COL5A3: variants seen among roughly 807,000 people sequenced by gnomAD.
The protein encoded by COL5A3 is collagen alpha-3(V) chain.
A neutral mutation model predicts 250.0 loss-of-function variants in COL5A3; 172 were observed. That is an observed-to-expected ratio of 0.69 (90% CI 0.61 to 0.78). The LOEUF (loss-of-function observed/expected upper bound fraction) is 0.78. Among genes scored for constraint, COL5A3 ranks in the 30% least tolerant of loss-of-function variants. The pLI, the probability that COL5A3 is intolerant of heterozygous loss-of-function variation, is 0.00. For missense variants in COL5A3, 2,340 were observed against 2,334.4 expected, an observed-to-expected ratio of 1.00 and a Z score of -0.05; for synonymous variants, 937 against 900.4, an observed-to-expected ratio of 1.04 and a Z score of -0.73.
chr19:10,006,457 T>C (rs189027630), intron 1 of COL5A3, among the ~76,000 whole-genome samples: 9 of 152,168 alleles, frequency 5.9e-5, no homozygotes, highest in Admixed American at 5.2e-4. Context: ...GACTCTGTTT[T>C]TTTTTTTCCC....
In COL5A3 at chr19:9,967,384, CG is replaced by C; in HGVS notation, c.4420del (p.Arg1474ValfsTer50). ...SKGSPGSMGP[R>X]GDTGPAGPPG... ...TGGGCCTGCAGGTCCAGTGTCTCCACGGGGGCCCATGGACCCCTGTAGGGAG... is the reference window on the plus strand; with the variant it reads ...TGGGCCTGCAGGTCCAGTGTCTCCACGGGGCCCATGGACCCCTGTAGGGAG... On this transcript the variant is annotated frameshift_variant, in exon 62 of 67. Coordinates refer to ENST00000264828, the MANE Select transcript of COL5A3 (RefSeq NM_015719.4). LOFTEE classifies it high-confidence loss of function. 3.4e-6 allele frequency: 5 copies of C among 1,479,572 alleles called. No homozygotes were observed. Among genetic ancestry groups the C allele is most frequent in the South Asian group, 1.5e-5 (1 of 68,630 alleles). The allele number at this position is 1,479,572 out of a possible 1,614,324, so 91.7% of individuals were successfully genotyped here.
At chr19:10,000,554 G>A (rs745453774) in intron 8 of COL5A3, among the ~76,000 whole-genome samples, 9 of 135,582 alleles carry the variant, frequency 6.6e-5, no homozygotes, top group Non-Finnish European at 1.1e-4. Context: ...CGCCTCAGCC[G>A]CCCAAAGCAT....
chr19:9,964,284 A>T (rs1335032044), intron 64 of COL5A3, among the ~76,000 whole-genome samples: 1 of 152,178 alleles, frequency 6.6e-6, no homozygotes, highest in African/African-American at 2.4e-5. Context: ...AGCCTGGGTG[A>T]TAGAGAAAGA....
Position 9,996,537 on chromosome 19 carries a change from A to C in COL5A3, c.1339-21T>G, listed in dbSNP as rs760983383. Reference sequence around the variant, plus strand: ...TGGAACTGGGAGGAATTTAGTGGTGAGGGAAGCCCCCAGGAGAGGCCCCCT... The same window carrying C: ...TGGAACTGGGAGGAATTTAGTGGTGCGGGAAGCCCCCAGGAGAGGCCCCCT... On this transcript the variant is annotated intron_variant, in intron 12 of 66. Transcript: ENST00000264828. 2.4e-5 allele frequency: 38 copies of C among 1,613,784 alleles called. No homozygotes were observed. In the Admixed American group the frequency reaches 5.0e-4, roughly 21 times the overall value.
At chr19:9,971,398 A>G in intron 51 of COL5A3, 140 bp from the exon 52 acceptor site, 1 of 662,866 alleles carries the variant, frequency 1.5e-6, no homozygotes, top group East Asian at 3.3e-5. Flanking sequence ...CTGGCTTGGT[A>G]GAGCGAACAT....
chr19:9,966,391 G>A lies in COL5A3; in HGVS notation c.4705C>T (p.Arg1569Trp), dbSNP rs762254646. 3.0e-5 allele frequency: 48 copies of A among 1,608,834 alleles called. No individual in the cohort carries two copies. In the East Asian group the frequency reaches 1.0e-3, roughly 34 times the overall value. ...TTGCAAAAAACCCTGAACGAGTCCC[G>A]CGCGCAGCCCTGGTTGGGGTCAATC... Reference protein sequence around the residue: ...YWIDPNQGCARDSFRVFCNFT... With the variant: ...YWIDPNQGCAWDSFRVFCNFT... Residue 1569 changes from arginine to tryptophan, a missense_variant, in exon 64 of 67, where the codon CGG (arginine) becomes TGG (tryptophan). Physicochemically the swap from Arg to Trp is moderately radical, Grantham distance 101. This residue lies in a region of COL5A3 where 1,179 missense variants were observed against 1,162.6 expected (regional missense o/e 1.01). Coordinates refer to ENST00000264828, the MANE Select transcript of COL5A3 (RefSeq NM_015719.4).
chr19:10,004,490 C>T (rs1293025391), intron 4 of COL5A3, among the ~76,000 whole-genome samples: 2 of 152,170 alleles, frequency 1.3e-5, no homozygotes, highest in African/African-American at 4.8e-5. Flanking sequence ...GCCACCACGC[C>T]CAGTTAATTT....
intron 51 of COL5A3, among the ~76,000 whole-genome samples, chr19:9,972,325 TCAC>T (rs2086861934): frequency 2.2e-5 from 1 of 44,502 alleles, no homozygotes; most frequent in African/African-American, 2.1e-4. Flanking sequence ...ATCCATTCAC[TCAC>T]TCGTTCATCC....
In COL5A3 at chr19:9,986,405, T is replaced by G. The variant is rs778289973; in HGVS notation, c.2262A>C (p.Pro754=). The change falls in exon 30 of 67, where the codon CCA becomes CCC. Residue 754 remains proline (P), a synonymous_variant. Transcript: ENST00000264828. ...LKGDQGKPGA[P]GPRGEDGPEG... ...CAGGACCATCCTCTCCCCGGGGACC[T>G]GGAGCTCCGGGTTTCCCCTGGAAGA... The G allele has an allele frequency of 1.2e-6, 2 of 1,612,558 alleles. No homozygotes were observed. The highest frequency in any genetic ancestry group is 1.7e-6 in the Non-Finnish European group (2 of 1,179,864).
intron 11 of COL5A3, 126 bp downstream of exon 11, chr19:9,997,245 G>C: frequency 2.7e-6 from 2 of 744,956 alleles, no homozygotes. Context: ...GAACAGAAGA[G>C]GTCAGTGCCA....
chr19:9,986,515 C>CT (rs768940506), intron 29 of COL5A3, 38 bp downstream of exon 29: 1 of 1,613,334 alleles, frequency 6.2e-7, no homozygotes, highest in East Asian at 2.2e-5. Flanking sequence ...CCCCGAGCCC[C>CT]CAGACCCACA....
At chr19:9,991,731 G>C in intron 23 of COL5A3, 57 bp downstream of exon 23, 2 of 1,598,476 alleles carry the variant, frequency 1.3e-6, no homozygotes, top group East Asian at 4.5e-5. Context: ...CCTGGTCACG[G>C]TCTAAGGTCT....
At chr19:9,977,947 CATATATAT>C (rs372091609) in intron 41 of COL5A3, among the ~76,000 whole-genome samples, 1,125 of 106,124 alleles carry the variant, frequency 0.011, 21 homozygotes, top group Middle Eastern at 0.024. Context: ...GCAGCCTATA[CATATATAT>C]ATATATATAT....
intron 55 of COL5A3, 68 bp from the exon 56 acceptor site, chr19:9,969,750 A>G: frequency 6.4e-7 from 1 of 1,572,652 alleles, no homozygotes; most frequent in Non-Finnish European, 8.7e-7. Flanking sequence ...CCTGCCAAGA[A>G]GCATCTGGGA....
At chr19:9,985,549 T>C (rs2087087493) in intron 31 of COL5A3, among the ~76,000 whole-genome samples, 1 of 152,090 alleles carries the variant, frequency 6.6e-6, no homozygotes, top group African/African-American at 2.4e-5. Context: ...CATGAGCCAC[T>C]GCGCCCAGCC....
At chr19:9,961,534 C>CTTTTTTTTTTTTTAACTTCATTTAA (rs2086671856) in intron 65 of COL5A3, among the ~76,000 whole-genome samples, 1 of 130,468 alleles carries the variant, frequency 7.7e-6, no homozygotes, top group East Asian at 2.1e-4. Flanking sequence ...CTGGCTGGGA[C>CTTTTTTTTTTTTTAACTTCATTTAA]TTTTTTTTTT....
rs775363521 is a variant in COL5A3, at chr19:9,976,610, C to G, written c.3290G>C (p.Gly1097Ala). The stretch of plus-strand genomic sequence containing the variant: ...CCGTATCCCTGGTTGTCCAGGTGGG[C>G]CCTGGGAGAACAGGAAACAGAATCA... ...KGSKGDKGDA[G>A]PPGQPGIRGP... is the part of the protein sequence containing the mutation. Residue 1097 changes from glycine (G) to alanine (A), a missense_variant and splice_region_variant, in exon 45 of 67, where the codon GGC becomes GCC. By Grantham distance (60) the Gly-to-Ala change is moderately conservative. Around this residue, in one of 3 missense-constraint regions of COL5A3, gnomAD observed 1,179 missense variants for 1,162.6 expected, o/e 1.01. Transcript: ENST00000264828. 6.3e-7 allele frequency: 1 copy of G among 1,576,360 alleles called. No individual in the cohort carries two copies. The highest frequency in any genetic ancestry group is 1.4e-5 in the African/African-American group (1 of 72,580).
At position 9,970,670 on chromosome 19, in the gene COL5A3, C is replaced by A. The variant is rs373311948; in HGVS notation, c.3888G>T (p.Pro1296=). The part of the protein sequence containing the change: ...GDPGDVGGPG[P]PGASGEPGAP... ...CGCCGGGCTCCCCAGAAGCTCCAGG[C>A]GGACCCTGGAGGAGACAAGGACACC... is the stretch of plus-strand genomic sequence containing the variant. Residue 1296 remains proline, a synonymous_variant, in exon 54 of 67, where the codon CCG becomes CCT. Coordinates refer to ENST00000264828, the MANE Select transcript of COL5A3 (RefSeq NM_015719.4). The A allele has an allele frequency of 7.0e-5, 101 of 1,443,176 alleles. No homozygotes were observed. Among genetic ancestry groups the A allele is most frequent in the Non-Finnish European group, 7.9e-5 (87 of 1,098,686 alleles). 89.4% of individuals were successfully genotyped at this position (1,443,176 alleles called of 1,614,324 possible).
intron 51 of COL5A3, among the ~76,000 whole-genome samples, chr19:9,972,098 C>T (rs762355333): frequency 2.6e-5 from 4 of 152,200 alleles, no homozygotes; most frequent in Admixed American, 6.5e-5. Flanking sequence ...CTCATTTGTC[C>T]ATTCGGCCAC....
Sources: allele counts gnomAD v4.1 joint callset (sites outside exome capture counted in the v4.1 genomes callset), GRCh38; gene constraint gnomAD v4.1.1; regional missense constraint gnomAD v4.1.1; transcripts MANE v1.5; gene names NCBI Gene and HGNC (gene_info 2026-07-23, HGNC 2026-07-21).